Variants in CAPZB observed in about 807,000 individuals in gnomAD.
The protein encoded by CAPZB is F-actin-capping protein subunit beta.
A neutral mutation model predicts 38.1 loss-of-function variants in CAPZB; 2 were observed. The ratio of observed to expected loss-of-function variants is 0.05; its 90% CI spans 0.02 to 0.17. CAPZB has a LOEUF of 0.17. Ranked by LOEUF, CAPZB falls within the 10% of genes least tolerant of loss-of-function variation. The probability of loss-of-function intolerance (pLI) is 1.00; values close to 1 mark genes in which losing one functional copy is unlikely to be tolerated. For missense variants in CAPZB, 161 were observed against 334.2 expected, an observed-to-expected ratio of 0.48 and a Z score of 4.04; for synonymous variants, 107 against 127.4, an observed-to-expected ratio of 0.84 and a Z score of 1.08.
At chr1:19,359,976 C>A (rs929398924) in intron 4 of CAPZB, among the ~76,000 whole-genome samples, 1 of 152,220 alleles carries the variant, frequency 6.6e-6, no homozygotes, top group Non-Finnish European at 1.5e-5. Flanking sequence ...AAAACCCCAT[C>A]TGCCTCCATA....
At chr1:19,451,479 G>A (rs1041817468) in intron 1 of CAPZB, among the ~76,000 whole-genome samples, 6 of 152,170 alleles carry the variant, frequency 3.9e-5, no homozygotes, top group Non-Finnish European at 5.9e-5. Context: ...AGGATGCAGA[G>A]GAAAGGACGG....
chr1:19,450,339 C>T (rs1333628097), intron 1 of CAPZB, among the ~76,000 whole-genome samples: 2 of 152,068 alleles, frequency 1.3e-5, no homozygotes, highest in Admixed American at 6.5e-5. Context: ...GGTTGAGAAT[C>T]CCAAATCAGA....
intron 4 of CAPZB, among the ~76,000 whole-genome samples, chr1:19,358,281 G>T (rs947757977): frequency 6.6e-6 from 1 of 152,162 alleles, no homozygotes; most frequent in Non-Finnish European, 1.5e-5. Context: ...GGGATCACAG[G>T]TGTGCACCAC....
chr1:19,369,502 G>T (rs1226846954), intron 4 of CAPZB, among the ~76,000 whole-genome samples: 1 of 152,254 alleles, frequency 6.6e-6, no homozygotes, highest in African/African-American at 2.4e-5. Context: ...GTGTCCCACA[G>T]CAGGCAGGGC....
rs1203738037 is a variant in CAPZB, at chr1:19,356,413, C to A, written c.588+222G>T. 6.6e-6 allele frequency among the ~76,000 whole-genome samples: 1 copy of A among 152,202 alleles called. No homozygotes were observed. On this transcript the variant is annotated intron_variant, in intron 6 of 8. Transcript: ENST00000264202. The surrounding 1 kb of genome is among the most constrained non-coding windows in gnomAD (Gnocchi z 4.3). Reference sequence around the variant, plus strand: ...AGGAGGAGCCACAGCCAGCACCCGGCCTCCCTCAGCAGGAGGCCAGCAGAG... The same window carrying A: ...AGGAGGAGCCACAGCCAGCACCCGGACTCCCTCAGCAGGAGGCCAGCAGAG...
In CAPZB at chr1:19,429,538, G is replaced by A. The variant is rs189358270; in HGVS notation, c.4-9788C>T. Among the ~76,000 whole-genome samples, 662 of 152,204 alleles carry A rather than the reference G, an allele frequency of 4.3e-3. 3 individuals are homozygous for A. Among genetic ancestry groups the A allele is most frequent in the African/African-American group, 0.014 (585 of 41,516 alleles). On this transcript the variant is annotated intron_variant, in intron 1 of 8. Transcript: ENST00000264202. ...GTCTTCTTTAAAACCTGGGTCCGAC[G>A]GTACTGTCTACCTCACGGGCCACTG...
intron 1 of CAPZB, among the ~76,000 whole-genome samples, chr1:19,465,845 C>T (rs753089973): frequency 1.3e-5 from 2 of 152,138 alleles, no homozygotes; most frequent in Non-Finnish European, 2.9e-5. Flanking sequence ...ACTCATTTGA[C>T]GTGCATTAAC....
intron 1 of CAPZB, among the ~76,000 whole-genome samples, chr1:19,456,222 A>G (rs1224598314): frequency 6.6e-6 from 1 of 152,226 alleles, no homozygotes; most frequent in Non-Finnish European, 1.5e-5. Context: ...CACAAGGCTC[A>G]TAATTTTAAG....
intron 1 of CAPZB, among the ~76,000 whole-genome samples, chr1:19,460,574 CTTTTTTTT>C (rs35288971): frequency 3.3e-5 from 3 of 90,972 alleles, no homozygotes; most frequent in Non-Finnish European, 5.9e-5. Context: ...TGTGCCCAGG[CTTTTTTTT>C]TTTTTTTTTT....
intron 2 of CAPZB, among the ~76,000 whole-genome samples, chr1:19,405,011 G>A (rs976210078): frequency 2.0e-5 from 3 of 152,218 alleles, no homozygotes; most frequent in East Asian, 1.9e-4. Context: ...TCATGACTCC[G>A]TGACCTTAAA....
Position 19,442,348 on chromosome 1 carries a change from GGGC to G in CAPZB, c.4-22601_4-22599del, listed in dbSNP as rs1164826775. On this transcript the variant is annotated intron_variant, in intron 1 of 8. Coordinates refer to ENST00000264202, the MANE Select transcript of CAPZB (RefSeq NM_004930.5). ...AACTGATTCGAGCTGGGGAGTGGGGGGGCGTGGAGTGAGCAGGAGCAGCTGAAA... is the reference window on the plus strand; with the variant it reads ...AACTGATTCGAGCTGGGGAGTGGGGGGTGGAGTGAGCAGGAGCAGCTGAAA... Among the ~76,000 whole-genome samples the G allele has an allele frequency of 1.9e-4, 29 of 152,244 alleles. No individual in the cohort carries two copies. The South Asian group carries it at 5.4e-3, about 28-fold the overall frequency.
chr1:19,370,370 G>C (rs12073152), intron 4 of CAPZB, among the ~76,000 whole-genome samples: 2,675 of 152,332 alleles, frequency 0.018, 76 homozygotes, highest in African/African-American at 0.061. Flanking sequence ...GAAGGGAACA[G>C]AGCAAAGGAG....
intron 1 of CAPZB, among the ~76,000 whole-genome samples, chr1:19,482,992 A>T (rs2094635343): frequency 6.6e-6 from 1 of 152,250 alleles, no homozygotes; most frequent in Admixed American, 6.5e-5. Context: ...TCATGGACAC[A>T]GACACATGCC....
At chr1:19,482,123 T>TC (rs940421591) in intron 1 of CAPZB, among the ~76,000 whole-genome samples, 92 of 152,354 alleles carry the variant, frequency 6.0e-4, no homozygotes, top group African/African-American at 2.2e-3. Context: ...GTCAGTCATG[T>TC]CCTGTTCCCC....
At chr1:19,342,181 C>T (rs2093932946) in intron 8 of CAPZB, among the ~76,000 whole-genome samples, 2 of 152,240 alleles carry the variant, frequency 1.3e-5, no homozygotes, top group African/African-American at 4.8e-5. Flanking sequence ...ACTGGGCGTC[C>T]AGGCAGCTCC....
chr1:19,354,437 T>C (rs2094009224), intron 6 of CAPZB, among the ~76,000 whole-genome samples: 1 of 152,198 alleles, frequency 6.6e-6, no homozygotes, highest in Admixed American at 6.5e-5. Flanking sequence ...TCCCTCCCCC[T>C]TCTGTAGTTA....
intron 3 of CAPZB, among the ~76,000 whole-genome samples, chr1:19,384,122 C>CGTGT (rs1319852266): frequency 1.3e-5 from 2 of 152,220 alleles, no homozygotes; most frequent in African/African-American, 4.8e-5. Context: ...CAACATTTCA[C>CGTGT]GTGTGTTACT....
intron 1 of CAPZB, among the ~76,000 whole-genome samples, chr1:19,472,316 G>A (rs1224746618): frequency 3.3e-5 from 5 of 152,194 alleles, no homozygotes; most frequent in Admixed American, 1.3e-4. Flanking sequence ...TAAACCCTCT[G>A]AGGTTAGGGA....
At chr1:19,419,611 C>T in intron 2 of CAPZB, 50 bp downstream of exon 2, 1 of 1,096,356 alleles carries the variant, frequency 9.1e-7, no homozygotes, top group Non-Finnish European at 1.4e-6. Context: ...ACAAAAGCAA[C>T]TAACTCTTAG....
Sources: allele counts gnomAD v4.1 joint callset (sites outside exome capture counted in the v4.1 genomes callset), GRCh38; gene constraint gnomAD v4.1.1; non-coding constraint Gnocchi (gnomAD v3.1); transcripts MANE v1.5; gene names NCBI Gene and HGNC (gene_info 2026-07-23, HGNC 2026-07-21).